Variants in HNRNPL observed in about 807,000 individuals in gnomAD.
HNRNPL encodes epididymis secretory sperm binding protein.
In HNRNPL, 12 loss-of-function variants were observed where a neutral mutation model predicts 64.0. The ratio of observed to expected loss-of-function variants is 0.19; its 90% CI spans 0.12 to 0.30. The LOEUF (loss-of-function observed/expected upper bound fraction) is 0.30. HNRNPL is among the 10% of genes least tolerant of loss of function. The pLI is 1.00. For missense variants in HNRNPL, 484 were observed against 797.4 expected (o/e 0.61, Z 4.73); for synonymous variants, 385 against 313.0 (o/e 1.23, Z -2.43).
chr19:38,841,545 TA>T, intron 6 of HNRNPL: 1 of 666,818 alleles, frequency 1.5e-6, no homozygotes, highest in South Asian at 1.5e-5. Flanking sequence ...GGAAAAGGAC[TA>T]CTTACAGCAG....
intron 6 of HNRNPL, chr19:38,841,987 T>C: frequency 3.5e-6 from 1 of 282,290 alleles, no homozygotes; most frequent in Non-Finnish European, 7.0e-6. Flanking sequence ...CTCGCGCTTT[T>C]GGCCTTGGGA....
At chr19:38,850,246 G>A (rs1026330133), upstream of HNRNPL, 4 of 371,674 alleles carry the variant, frequency 1.1e-5, no homozygotes, top group Admixed American at 9.4e-5. Context: ...GATTTCTGGC[G>A]CTGCTGGCCT....
At chr19:38,842,437 A>T (rs1317070654) in intron 6 of HNRNPL, 1 of 152,046 alleles carries the variant, frequency 6.6e-6, no homozygotes, top group Non-Finnish European at 1.5e-5. Context: ...TTTAATGTTT[A>T]ATAAAAAAAG....
rs901332836 is a variant in HNRNPL, at chr19:38,837,603, A to G, written c.1606T>C (p.Ser536Pro). ...VKRPSSVKVFSGKSERSSSGL... is the reference protein window; with the variant it reads ...VKRPSSVKVFPGKSERSSSGL... ...GGCACACTCGACTCACTTTTGCCTGAGAATACTTTCACAGAAGATGGCCGC... is the reference window on the plus strand; with the variant it reads ...GGCACACTCGACTCACTTTTGCCTGGGAATACTTTCACAGAAGATGGCCGC... The change falls in exon 11 of 13, where the codon TCA becomes CCA. Residue 536 changes from serine to proline, a missense_variant. By Grantham distance (74) the Ser-to-Pro change is moderately conservative (BLOSUM62 -1). Coordinates refer to ENST00000221419, the MANE Select transcript of HNRNPL (RefSeq NM_001533.3). 2 of 1,614,246 alleles carry G rather than the reference A, an allele frequency of 1.2e-6. No homozygotes were observed. The highest frequency in any genetic ancestry group is 1.7e-6 in the Non-Finnish European group (2 of 1,180,026).
At position 38,837,459 on chromosome 19, in the gene HNRNPL, G is replaced by A. The variant is rs981863850; in HGVS notation, c.1636C>T (p.Leu546=). 1 of 1,614,226 alleles carries A rather than the reference G, an allele frequency of 6.2e-7. No homozygotes were observed. The highest frequency in any genetic ancestry group is 8.5e-7 in the Non-Finnish European group (1 of 1,180,012). The change falls in exon 12 of 13, where the codon CTG becomes TTG. Residue 546 remains leucine (L), a synonymous_variant. Coordinates refer to ENST00000221419, the MANE Select transcript of HNRNPL (RefSeq NM_001533.3). ...SGKSERSSSG[L]LEWESKSDAL... ...TCGCTCTTGGATTCCCACTCCAGCA[G>A]TCCAGAGGAGCTGCGCTCACCTGAT...
At position 38,843,382 on chromosome 19, in the gene HNRNPL, G is replaced by C. The variant is rs1291212010; in HGVS notation, c.880+460C>G. ...TGTCTCACCTCCACAGGGTCAGCTTGCTCACAAGGCTCACTGCAAGAGCCC... is the reference window on the plus strand; with the variant it reads ...TGTCTCACCTCCACAGGGTCAGCTTCCTCACAAGGCTCACTGCAAGAGCCC... On this transcript the variant is annotated intron_variant, in intron 6 of 12. Transcript: ENST00000221419. 5 of 179,524 alleles carry C rather than the reference G, an allele frequency of 2.8e-5. No homozygotes were observed. The South Asian group carries it at 3.3e-4, about 12-fold the overall frequency. The allele number at this position is 179,524 out of a possible 1,614,324, so 11.1% of individuals were successfully genotyped here. A position where few individuals can be genotyped will look rare whatever the true frequency, so the allele number is the denominator to read the frequency against.
intron 11 of HNRNPL, 24 bp from the exon 12 acceptor site, chr19:38,837,503 G>A (rs2145404927): frequency 1.2e-6 from 2 of 1,613,668 alleles, no homozygotes; most frequent in South Asian, 1.1e-5. Flanking sequence ...AAGGGGAAAA[G>A]TAAAGGTTTT....
upstream of HNRNPL, among the ~76,000 whole-genome samples, chr19:38,851,314 T>TG (rs1431353953): frequency 6.6e-6 from 1 of 152,098 alleles, no homozygotes; most frequent in African/African-American, 2.4e-5. Flanking sequence ...TGGCGGAGCC[T>TG]GGGGGGTGGA....
At chr19:38,848,505 A>G (rs1374807736) in intron 1 of HNRNPL, among the ~76,000 whole-genome samples, 1 of 152,168 alleles carries the variant, frequency 6.6e-6, no homozygotes, top group Non-Finnish European at 1.5e-5. Flanking sequence ...TCATCAGGAG[A>G]AAGATTAACT....
chr19:38,840,290 G>T lies in HNRNPL; in HGVS notation c.1039C>A (p.Pro347Thr). Residue 347 changes from proline to threonine, a missense_variant, in exon 8 of 13, where the codon CCA becomes ACA. Around this residue, in one of 9 missense-constraint regions of HNRNPL, gnomAD observed 46 missense variants for 37.4 expected, o/e 1.23. Coordinates refer to ENST00000221419, the MANE Select transcript of HNRNPL (RefSeq NM_001533.3). ...PPHYEGRRMGPPVGGHRRGPS... is the reference protein window; with the variant it reads ...PPHYEGRRMGTPVGGHRRGPS... ...CCCCGACGGTGACCCCCCACTGGTG[G>T]ACCCATCCTTCTCCCTTCGTAGTGA... 6.4e-7 allele frequency: 1 copy of T among 1,574,676 alleles called. No homozygotes were observed. Among genetic ancestry groups the T allele is most frequent in the Non-Finnish European group, 8.6e-7 (1 of 1,160,202 alleles).
At chr19:38,847,772 GAA>G (rs760461230) in intron 1 of HNRNPL, 6 of 173,020 alleles carry the variant, frequency 3.5e-5, no homozygotes, top group Non-Finnish European at 4.9e-5. Flanking sequence ...GGAAACATGG[GAA>G]AAGAGTAGCT....
chr19:38,838,261 C>T, intron 10 of HNRNPL, 136 bp downstream of exon 10: 2 of 673,214 alleles, frequency 3.0e-6, no homozygotes, highest in South Asian at 1.8e-5. Flanking sequence ...CTGGCCTCTG[C>T]TGTGTCCCTA....
Position 38,840,259 on chromosome 19 carries a change from C to T in HNRNPL, c.1070G>A (p.Ser357Asn). 1 of 1,581,264 alleles carries T rather than the reference C, an allele frequency of 6.3e-7. No homozygotes were observed. Among genetic ancestry groups the T allele is most frequent in the South Asian group, 1.1e-5 (1 of 87,560 alleles). The change falls in exon 8 of 13, where the codon AGT becomes AAT. Residue 357 changes from serine to asparagine, a missense_variant. Transcript: ENST00000221419. ...GTGCCCATACTGGGGGCCGTAGCGA[C>T]TTGGGCCCCGACGGTGACCCCCCAC... ...PPVGGHRRGP[S>N]RYGPQYGHPP...
intron 6 of HNRNPL, chr19:38,841,069 C>T (rs1005004272): frequency 5.3e-6 from 1 of 189,746 alleles, no homozygotes; most frequent in Non-Finnish European, 1.1e-5. Context: ...CCCAGTCCCC[C>T]CTCCCTCCCA....
chr19:38,838,458 G>A lies in HNRNPL; in HGVS notation c.1496C>T (p.Pro499Leu), dbSNP rs760818628. 1 of 1,614,118 alleles carries A rather than the reference G, an allele frequency of 6.2e-7. No homozygotes were observed. The highest frequency in any genetic ancestry group is 8.5e-7 in the Non-Finnish European group (1 of 1,179,958). The change falls in exon 10 of 13, where the codon CCC becomes CTC. Residue 499 changes from proline (P) to leucine (L), a missense_variant. By Grantham distance (98) the Pro-to-Leu change is moderately conservative. Around this residue, in one of 9 missense-constraint regions of HNRNPL, gnomAD observed 53 missense variants for 131.3 expected, o/e 0.40. Transcript: ENST00000221419. ...GTTGAAGAAGTGCAGCACGTTGCTGGGGTGCTGGATGCGGTTCTTGGCTGC... is the reference window on the plus strand; with the variant it reads ...GTTGAAGAAGTGCAGCACGTTGCTGAGGTGCTGGATGCGGTTCTTGGCTGC... Reference protein sequence around the residue: ...EQAAKNRIQHPSNVLHFFNAP... With the variant: ...EQAAKNRIQHLSNVLHFFNAP...
Position 38,836,679 on chromosome 19 carries a change from G to GA in HNRNPL, c.*42dup, listed in dbSNP as rs1971939487. Reference sequence around the variant, plus strand: ...AACAAAAAATGGCATAAAGGAAAGAGAAATGTCTTCCTGCTCAGATGGGAC... The same window carrying GA: ...AACAAAAAATGGCATAAAGGAAAGAGAAAATGTCTTCCTGCTCAGATGGGAC... On this transcript the variant is annotated 3_prime_UTR_variant, in exon 13 of 13. Transcript: ENST00000221419. The GA allele has an allele frequency of 7.6e-7, 1 of 1,307,538 alleles. No homozygotes were observed. Among genetic ancestry groups the GA allele is most frequent in the Non-Finnish European group, 1.1e-6 (1 of 947,678 alleles). 81.0% of individuals were successfully genotyped at this position (1,307,538 alleles called of 1,614,324 possible). A position where few individuals can be genotyped will look rare whatever the true frequency, so the allele number is the denominator to read the frequency against.
At chr19:38,839,136 G>T in intron 8 of HNRNPL, 121 bp from the exon 9 acceptor site, 2 of 1,274,064 alleles carry the variant, frequency 1.6e-6, no homozygotes, top group African/African-American at 1.5e-5. Context: ...AGTTAATCGG[G>T]ACCACTAGAA....
At chr19:38,844,255 G>C in intron 4 of HNRNPL, 151 bp from the exon 5 acceptor site, 1 of 623,704 alleles carries the variant, frequency 1.6e-6, no homozygotes. Flanking sequence ...CTAGCCTCAG[G>C]TTAAGAGACC....
upstream of HNRNPL, among the ~76,000 whole-genome samples, chr19:38,851,669 C>T (rs1472975012): frequency 2.6e-5 from 4 of 152,126 alleles, no homozygotes; most frequent in African/African-American, 9.7e-5. Flanking sequence ...GAGGCCAAGG[C>T]GGAAGGCTCG....
Sources: allele counts gnomAD v4.1 joint callset (sites outside exome capture counted in the v4.1 genomes callset), GRCh38; gene constraint gnomAD v4.1.1; regional missense constraint gnomAD v4.1.1; transcripts MANE v1.5; gene names NCBI Gene and HGNC (gene_info 2026-07-23, HGNC 2026-07-21).